Variants in STK24 observed in about 807,000 individuals in gnomAD.
STK24 encodes the protein serine/threonine kinase 24.
STK24 carries 21 observed loss-of-function variants against 55.6 expected under a neutral mutation model. That is an observed-to-expected ratio of 0.38 (90% CI 0.27 to 0.54). STK24 has a LOEUF of 0.54. Ranked by LOEUF, STK24 falls within the 20% of genes least tolerant of loss-of-function variation. The pLI is 0.79. For synonymous variants in STK24, 200 were observed against 215.2 expected, an observed-to-expected ratio of 0.93 and a Z score of 0.62; for missense variants, 383 against 538.4, an observed-to-expected ratio of 0.71 and a Z score of 2.86.
Position 98,475,321 on chromosome 13 carries a change from G to C in STK24, c.368C>G (p.Thr123Ser). 1 of 1,613,312 alleles carries C rather than the reference G, an allele frequency of 6.2e-7. No homozygotes were observed. The highest frequency in any genetic ancestry group is 8.5e-7 in the Non-Finnish European group (1 of 1,179,748). The change falls in exon 4 of 11, where the codon ACT (threonine) becomes AGT (serine). Residue 123 changes from threonine (T) to serine (S), a missense_variant. Transcript: ENST00000539966. ...PGPLDETQIA[T>S]ILREILKGLD... ...TCCTTTCAGTATTTCTCTTAATATA[G>C]TAGCGATCTGGGTTTCATCTAATGG... is the stretch of plus-strand genomic sequence containing the variant.
intron 1 of STK24, among the ~76,000 whole-genome samples, chr13:98,573,446 A>G (rs1197270629): frequency 6.6e-6 from 1 of 152,212 alleles, no homozygotes; most frequent in African/African-American, 2.4e-5. Context: ...ATTCGTCACT[A>G]TATTCATTCA....
At chr13:98,518,242 C>T (rs1896136472) in intron 2 of STK24, among the ~76,000 whole-genome samples, 1 of 152,226 alleles carries the variant, frequency 6.6e-6, no homozygotes, top group Admixed American at 6.5e-5. Flanking sequence ...CTCAAAATGT[C>T]CATCCTCTGA....
At chr13:98,468,017 T>A (rs532452822) in intron 5 of STK24, among the ~76,000 whole-genome samples, 1 of 152,210 alleles carries the variant, frequency 6.6e-6, no homozygotes, top group Non-Finnish European at 1.5e-5. Context: ...TCAGTGAGAA[T>A]CGAATACATC....
At chr13:98,501,503 C>A (rs928567882) in intron 2 of STK24, among the ~76,000 whole-genome samples, 1 of 152,154 alleles carries the variant, frequency 6.6e-6, no homozygotes, top group African/African-American at 2.4e-5. Context: ...TCCCCAGCCC[C>A]CCCAGTTTAA....
chr13:98,491,805 C>A (rs1422285334), intron 2 of STK24, among the ~76,000 whole-genome samples: 1 of 151,268 alleles, frequency 6.6e-6, no homozygotes, highest in African/African-American at 2.4e-5. Context: ...GAAATGAATC[C>A]AATCATTTTT....
chr13:98,549,279 A>T (rs1234672332), intron 1 of STK24, among the ~76,000 whole-genome samples: 2 of 152,224 alleles, frequency 1.3e-5, no homozygotes, highest in Non-Finnish European at 2.9e-5. Flanking sequence ...TGGGAAGTCC[A>T]AGGTCAAGGC....
Position 98,446,029 on chromosome 13 carries a change from A to C in STK24, c.*7144T>G. 8 of 1,043,122 alleles carry C rather than the reference A, an allele frequency of 7.7e-6. No individual in the cohort carries two copies. The highest frequency in any genetic ancestry group is 1.3e-5 in the South Asian group (1 of 74,214). 64.6% of individuals were successfully genotyped at this position (1,043,122 alleles called of 1,614,324 possible). On this transcript the variant is annotated 3_prime_UTR_variant, in exon 11 of 11. Coordinates refer to ENST00000539966, the MANE Select transcript of STK24 (RefSeq NM_001032296.4). ...CCCAGCCCAGGGCCCTGGTGCAGGGAGAGCTGCTCTCTGTGCCCTCCTGGG... is the reference window on the plus strand; with the variant it reads ...CCCAGCCCAGGGCCCTGGTGCAGGGCGAGCTGCTCTCTGTGCCCTCCTGGG...
rs1346088528 is a variant in STK24, at chr13:98,475,240, G to A, written c.439+10C>T. ...GTATTTCAAAGGAATGAAAACGGAT[G>A]TCCTCTTACCTTTAATGTCTCTGTG... On this transcript the variant is annotated intron_variant, in intron 4 of 10. Transcript: ENST00000539966. 2.5e-6 allele frequency: 4 copies of A among 1,594,702 alleles called. No individual in the cohort carries two copies. The South Asian group carries it at 3.4e-5, about 14-fold the overall frequency.
chr13:98,543,813 G>A (rs746567723), intron 1 of STK24, among the ~76,000 whole-genome samples: 2 of 152,176 alleles, frequency 1.3e-5, no homozygotes, highest in Non-Finnish European at 2.9e-5. Flanking sequence ...ACGGATCACC[G>A]CCAGAAGCTG....
intron 1 of STK24, among the ~76,000 whole-genome samples, chr13:98,526,246 G>A (rs954844341): frequency 2.4e-4 from 36 of 151,994 alleles, no homozygotes; most frequent in African/African-American, 8.2e-4. Flanking sequence ...AATTTTTTTC[G>A]TGGATGCAAA....
Position 98,531,239 on chromosome 13 carries a change from C to A in STK24, c.43-11766G>T, listed in dbSNP as rs115078195. On this transcript the variant is annotated intron_variant, in intron 1 of 10. Transcript: ENST00000539966. ...TCACTCTTTATCAGTCTTTCCAATA[C>A]GCCCTCCCAAAATCTGAAAATCAAG... Among the ~76,000 whole-genome samples the A allele has an allele frequency of 2.0e-3, 304 of 152,272 alleles. 2 individuals carry two copies. The highest frequency in any genetic ancestry group is 6.5e-3 in the African/African-American group (268 of 41,538).
intron 1 of STK24, among the ~76,000 whole-genome samples, chr13:98,554,445 T>C (rs1159452928): frequency 6.6e-6 from 1 of 152,224 alleles, no homozygotes; most frequent in Non-Finnish European, 1.5e-5. Context: ...ACCTCCAGGT[T>C]ATCTAAAACA....
At chr13:98,553,288 C>T (rs912510126) in intron 1 of STK24, 10 of 152,224 alleles carry the variant, frequency 6.6e-5, no homozygotes, top group Non-Finnish European at 8.8e-5. Context: ...TCATCACATG[C>T]GTTAGTGTGC....
At chr13:98,576,659 G>C (rs902969494) in intron 1 of STK24, 86 bp downstream of exon 1, 1 of 1,226,248 alleles carries the variant, frequency 8.2e-7, no homozygotes, top group Non-Finnish European at 1.1e-6. Context: ...GGCCGGCTGA[G>C]CGTAGGGGGA....
At chr13:98,548,100 A>C (rs1212455792) in intron 1 of STK24, among the ~76,000 whole-genome samples, 1 of 152,198 alleles carries the variant, frequency 6.6e-6, no homozygotes, top group African/African-American at 2.4e-5. Context: ...ATGTGGCTTC[A>C]AATCCACCTC....
chr13:98,555,429 A>AT (rs1897262769), intron 1 of STK24, among the ~76,000 whole-genome samples: 1 of 151,730 alleles, frequency 6.6e-6, no homozygotes, highest in Non-Finnish European at 1.5e-5. Flanking sequence ...AAAACAAAAA[A>AT]TTAGCCAGGC....
intron 1 of STK24, among the ~76,000 whole-genome samples, chr13:98,545,479 A>G (rs754144046): frequency 6.6e-6 from 1 of 152,108 alleles, no homozygotes; most frequent in African/African-American, 2.4e-5. Context: ...CTAAAAATAC[A>G]AAAAATTAGC....
At chr13:98,520,601 G>C (rs2086531217) in intron 1 of STK24, among the ~76,000 whole-genome samples, 1 of 152,238 alleles carries the variant, frequency 6.6e-6, no homozygotes, top group Non-Finnish European at 1.5e-5. Context: ...CCAGAGTGGT[G>C]CATGTGAGGT....
chr13:98,455,013 G>A (rs142593405), intron 10 of STK24: 2 of 152,342 alleles, frequency 1.3e-5, no homozygotes, highest in South Asian at 2.1e-4. Flanking sequence ...CCCCAGCCAC[G>A]ATGCCCAGTG....
Sources: allele counts gnomAD v4.1 joint callset (sites outside exome capture counted in the v4.1 genomes callset), GRCh38; gene constraint gnomAD v4.1.1; transcripts MANE v1.5; gene names NCBI Gene and HGNC (gene_info 2026-07-23, HGNC 2026-07-21).